EIF5B: variants seen among roughly 807,000 people sequenced by gnomAD.
The protein encoded by EIF5B is eIF-5B.
In EIF5B, 47 loss-of-function variants were observed where a neutral mutation model predicts 147.5. That is an observed-to-expected ratio of 0.32 (90% CI 0.25 to 0.41). The LOEUF is 0.41. EIF5B is among the 10% of genes least tolerant of loss of function. EIF5B has a pLI of 1.00. For missense variants in EIF5B, 1,064 were observed against 1,413.2 expected, an observed-to-expected ratio of 0.75 and a Z score of 3.96; for synonymous variants, 455 against 456.2, an observed-to-expected ratio of 1.00 and a Z score of 0.03.
At chr2:99,359,273 G>A (rs577071286) in intron 1 of EIF5B, among the ~76,000 whole-genome samples, 10 of 151,950 alleles carry the variant, frequency 6.6e-5, no homozygotes, top group Non-Finnish European at 1.5e-4. Context: ...GGAGGCTGAG[G>A]CAGGAGAATC....
rs1211938358 is a variant in EIF5B at position 99,361,625 on chromosome 2, A to C, written c.724A>C (p.Lys242Gln). Residue 242 changes from lysine (K) to glutamine (Q), a missense_variant, in exon 4 of 24, where the codon AAG becomes CAG. By Grantham distance (53) the Lys-to-Gln change is moderately conservative (BLOSUM62 1). Transcript: ENST00000289371. ...AGAAAAGAAGGAGCGCGAGAGAAAA[A>C]AGCGAGATGAAGAAAAAGCGAAACT... is the stretch of plus-strand genomic sequence containing the variant. Reference protein sequence around the residue: ...KAEKKERERKKRDEEKAKLRK... With the variant: ...KAEKKERERKQRDEEKAKLRK... The C allele has an allele frequency of 6.3e-7, 1 of 1,593,190 alleles. No homozygotes were observed. Among genetic ancestry groups the C allele is most frequent in the African/African-American group, 1.4e-5 (1 of 73,146 alleles).
chr2:99,389,795 A>C lies in EIF5B; in HGVS notation c.2349A>C (p.Thr783=). 1 of 1,613,714 alleles carries C rather than the reference A, an allele frequency of 6.2e-7. No homozygotes were observed. Among genetic ancestry groups the C allele is most frequent in the South Asian group, 1.1e-5 (1 of 90,990 alleles). The change falls in exon 15 of 24, where the codon ACA becomes ACC. Residue 783 remains threonine (T), a synonymous_variant. Transcript: ENST00000289371. ...AATLKKQKKN[T]KDEFEERAKA... ...CTTTAAAGAAGCAGAAAAAGAATACAAAAGATGAATTTGAGGAGCGAGCAA... is the reference window on the plus strand; with the variant it reads ...CTTTAAAGAAGCAGAAAAAGAATACCAAAGATGAATTTGAGGAGCGAGCAA...
chr2:99,393,941 T>C (rs967741211), intron 18 of EIF5B, among the ~76,000 whole-genome samples: 2 of 152,238 alleles, frequency 1.3e-5, no homozygotes, highest in African/African-American at 4.8e-5. Flanking sequence ...TACGTTTATG[T>C]GGTACTTTTT....
intron 12 of EIF5B, among the ~76,000 whole-genome samples, chr2:99,381,405 G>T (rs906215762): frequency 1.3e-5 from 2 of 152,082 alleles, no homozygotes; most frequent in Non-Finnish European, 2.9e-5. Context: ...CCAGAATGCG[G>T]ATCTGAAATG....
At chr2:99,379,532 A>G in intron 12 of EIF5B, 104 bp downstream of exon 12, 1 of 800,670 alleles carries the variant, frequency 1.2e-6, no homozygotes, top group Non-Finnish European at 1.9e-6. Flanking sequence ...AGCTCCATAT[A>G]CTCACCATTC....
intron 8 of EIF5B, among the ~76,000 whole-genome samples, 193 bp from the exon 9 acceptor site, chr2:99,371,462 TG>T (rs2104202520): frequency 6.9e-6 from 1 of 144,286 alleles, no homozygotes; most frequent in Non-Finnish European, 1.5e-5. Flanking sequence ...CACTCCAGCC[TG>T]GGCGACAGAG....
chr2:99,353,916 A>G (rs1405163310), intron 1 of EIF5B, among the ~76,000 whole-genome samples: 6 of 152,208 alleles, frequency 3.9e-5, no homozygotes, highest in African/African-American at 7.2e-5. Flanking sequence ...ACCACTGTCT[A>G]TTCAACCATT....
intron 14 of EIF5B, among the ~76,000 whole-genome samples, chr2:99,384,374 C>T (rs1410666990): frequency 6.6e-6 from 1 of 152,138 alleles, no homozygotes; most frequent in Non-Finnish European, 1.5e-5. Flanking sequence ...AACAGTGTAC[C>T]TGATTACCCA....
chr2:99,393,116 T>A lies in EIF5B; in HGVS notation c.2880+18T>A, dbSNP rs1165122950. On this transcript the variant is annotated intron_variant, in intron 18 of 23. Transcript: ENST00000289371. ...TTCTTAAAGTAAGTTCATTTAAAAA[T>A]TTTTTTCCTTAAAAGCTATTTGAGT... 1 of 1,500,034 alleles carries A rather than the reference T, an allele frequency of 6.7e-7. No individual in the cohort carries two copies. The allele number at this position is 1,500,034 out of a possible 1,614,324, so 92.9% of individuals were successfully genotyped here.
Position 99,363,637 on chromosome 2 carries a change from T to C in EIF5B, c.920-8T>C, listed in dbSNP as rs1674267049. On this transcript the variant is annotated splice_polypyrimidine_tract_variant and splice_region_variant and intron_variant, in intron 4 of 23. Coordinates refer to ENST00000289371, the MANE Select transcript of EIF5B (RefSeq NM_015904.4). ...ATTTCAATGCTTTGCCTTTATTCTT[T>C]TTGGTAGATGACAATGAAGGAGACA... The C allele has an allele frequency of 6.3e-7, 1 of 1,574,822 alleles. No homozygotes were observed. The highest frequency in any genetic ancestry group is 1.4e-5 in the African/African-American group (1 of 72,250).
Position 99,337,599 on chromosome 2 carries a change from G to T in EIF5B, c.35+10G>T. 2 of 1,610,964 alleles carry T rather than the reference G, an allele frequency of 1.2e-6. No homozygotes were observed. The highest frequency in any genetic ancestry group is 1.7e-6 in the Non-Finnish European group (2 of 1,178,634). The stretch of plus-strand genomic sequence containing the variant: ...ACAAGAGCGAAGACAGGTAGATAGG[G>T]GTTGGGTCCGTACGGCGGCGGCCGC... On this transcript the variant is annotated intron_variant, in intron 1 of 23. Coordinates refer to ENST00000289371, the MANE Select transcript of EIF5B (RefSeq NM_015904.4).
At chr2:99,338,691 T>C (rs1387034426) in intron 1 of EIF5B, among the ~76,000 whole-genome samples, 1 of 152,122 alleles carries the variant, frequency 6.6e-6, no homozygotes, top group Non-Finnish European at 1.5e-5. Flanking sequence ...TGAATTATTG[T>C]TAAACCAGAT....
At chr2:99,376,815 C>G (rs992469471) in intron 10 of EIF5B, among the ~76,000 whole-genome samples, 179 bp downstream of exon 10, 1 of 152,120 alleles carries the variant, frequency 6.6e-6, no homozygotes, top group African/African-American at 2.4e-5. Context: ...CCAAGGACCC[C>G]CCGTCCCCGC....
chr2:99,362,906 C>G (rs1674249694), intron 4 of EIF5B, among the ~76,000 whole-genome samples: 1 of 151,450 alleles, frequency 6.6e-6, no homozygotes. Context: ...TTACAGGAGC[C>G]CGCCACCATG....
In EIF5B at chr2:99,369,373, GT is replaced by G. The variant is rs746966926; in HGVS notation, c.1388-16del. Reference sequence around the variant, plus strand: ...ATACACCAAAAAAAATATTATCTTGGTTTCTGCCCCTTTTTCAGTGTCTGAA... The same window carrying G: ...ATACACCAAAAAAAATATTATCTTGGTTCTGCCCCTTTTTCAGTGTCTGAA... On this transcript the variant is annotated intron_variant, in intron 7 of 23. Coordinates refer to ENST00000289371, the MANE Select transcript of EIF5B (RefSeq NM_015904.4). The G allele has an allele frequency of 8.8e-6, 14 of 1,592,396 alleles. No individual in the cohort carries two copies. The highest frequency in any genetic ancestry group is 5.1e-6 in the Non-Finnish European group (6 of 1,168,098).
Position 99,400,518 on chromosome 2 carries a change from A to AT in EIF5B, c.*1105dup, listed in dbSNP as rs1675224744. ...TTATTTTAAAGTTATGGCATAACAT[A>AT]TAACATAAAAATATTTTATATACGT... is the stretch of plus-strand genomic sequence containing the variant. On this transcript the variant is annotated 3_prime_UTR_variant, in exon 24 of 24. Transcript: ENST00000289371. The AT allele has an allele frequency of 6.6e-6, 1 of 152,212 alleles. No homozygotes were observed. Among genetic ancestry groups the AT allele is most frequent in the African/African-American group, 2.4e-5 (1 of 41,436 alleles). The allele number at this position is 152,212 out of a possible 1,614,324, so 9.4% of individuals were successfully genotyped here.
At chr2:99,367,230 C>A (rs766558279) in intron 6 of EIF5B, among the ~76,000 whole-genome samples, 29 of 152,122 alleles carry the variant, frequency 1.9e-4, no homozygotes, top group Non-Finnish European at 4.0e-4. Context: ...CAAGACAGTA[C>A]CTCCAAGTCA....
At chr2:99,360,668 C>T in intron 3 of EIF5B, 119 bp downstream of exon 3, 1 of 875,420 alleles carries the variant, frequency 1.1e-6, no homozygotes, top group South Asian at 2.7e-5. Context: ...TATTTAAAAG[C>T]TTCTATGAAA....
intron 22 of EIF5B, chr2:99,398,391 A>T (rs1284132099): frequency 1.8e-5 from 3 of 168,264 alleles, no homozygotes; most frequent in African/African-American, 7.2e-5. Context: ...CCCATCAGCC[A>T]CTTCAAGCTC....
Sources: gnomAD v4.1 joint callset for allele counts (sites outside exome capture counted in the v4.1 genomes callset) on GRCh38, gnomAD v4.1.1 for gene constraint, MANE v1.5 for transcripts, NCBI Gene and HGNC (gene_info 2026-07-23, HGNC 2026-07-21) for gene names.